The following DLGAP2 variants were observed in gnomAD, a reference collection of about 807,000 sequenced individuals.
DLGAP2 encodes DLG associated protein 2.
In DLGAP2, 26 loss-of-function variants were observed where a neutral mutation model predicts 100.3. The ratio of observed to expected loss-of-function variants is 0.26; its 90% CI spans 0.19 to 0.36. The LOEUF is 0.36. Ranked by LOEUF, DLGAP2 falls within the 10% of genes least tolerant of loss-of-function variation. The probability of loss-of-function intolerance (pLI) is 1.00; values close to 1 mark genes in which losing one functional copy is unlikely to be tolerated. For missense variants in DLGAP2, 1,858 were observed against 1,453.2 expected, an observed-to-expected ratio of 1.28 and a Z score of -4.53; for synonymous variants, 886 against 630.1, an observed-to-expected ratio of 1.41 and a Z score of -6.08.
intron 3 of DLGAP2, among the ~76,000 whole-genome samples, chr8:1,430,027 T>TATATATATATATATATATATATATACAC (rs1282725274): frequency 1.0e-4 from 8 of 76,896 alleles, no homozygotes; most frequent in Non-Finnish European, 1.2e-4. Flanking sequence ...TATATATATA[T>TATATATATATATATATATATATATACAC]ACACACACAC....
At chr8:1,174,248 A>T (rs1797200748) in intron 2 of DLGAP2, among the ~76,000 whole-genome samples, 1 of 152,004 alleles carries the variant, frequency 6.6e-6, no homozygotes, top group South Asian at 2.1e-4. Flanking sequence ...TGATAAGTCT[A>T]CCCACATACC....
chr8:1,333,533 G>C (rs993108726), intron 3 of DLGAP2, among the ~76,000 whole-genome samples: 7 of 152,140 alleles, frequency 4.6e-5, no homozygotes, highest in African/African-American at 1.4e-4. Context: ...CTCCTCCCGT[G>C]AGTCCTGTGT....
intron 1 of DLGAP2, among the ~76,000 whole-genome samples, chr8:764,984 C>T (rs1390262870): frequency 6.6e-6 from 1 of 152,178 alleles, no homozygotes; most frequent in African/African-American, 2.4e-5. Context: ...GTGGCTGTTA[C>T]TGATATAAAT....
At chr8:894,248 C>T (rs748029237) in intron 1 of DLGAP2, among the ~76,000 whole-genome samples, 51 of 152,302 alleles carry the variant, frequency 3.3e-4, no homozygotes, top group Non-Finnish European at 6.0e-4. Context: ...TTGTGGCTTC[C>T]AGCCCTTAGA....
chr8:837,474 A>G (rs1796900381), intron 1 of DLGAP2, among the ~76,000 whole-genome samples: 1 of 152,134 alleles, frequency 6.6e-6, no homozygotes, highest in Non-Finnish European at 1.5e-5. Flanking sequence ...ATTTCTCAGA[A>G]TCCTTCTTTT....
intron 2 of DLGAP2, 143 bp downstream of exon 2, chr8:908,109 T>C (rs781098361): frequency 4.3e-5 from 17 of 393,122 alleles, no homozygotes; most frequent in Non-Finnish European, 6.7e-5. Context: ...ATTAACTAAC[T>C]GTAAGACCTG....
intron 12 of DLGAP2, among the ~76,000 whole-genome samples, chr8:1,684,068 G>A (rs1799049443): frequency 6.8e-6 from 1 of 147,426 alleles, no homozygotes; most frequent in Non-Finnish European, 1.5e-5. Flanking sequence ...TGCAACCTCT[G>A]CCTCCCAAGT....
At chr8:1,513,049 T>A (rs922495922) in intron 4 of DLGAP2, among the ~76,000 whole-genome samples, 2 of 144,312 alleles carry the variant, frequency 1.4e-5, no homozygotes, top group East Asian at 2.1e-4. Flanking sequence ...ACAGGCCAGC[T>A]CCAGGGAGGC....
chr8:1,426,614 A>T (rs1318259849), intron 3 of DLGAP2, among the ~76,000 whole-genome samples: 1 of 152,218 alleles, frequency 6.6e-6, no homozygotes. Flanking sequence ...AGATGATGTG[A>T]AACTCAAGAC....
intron 2 of DLGAP2, among the ~76,000 whole-genome samples, chr8:1,164,203 CCCCAGGGCCCG>C (rs1796958649): frequency 7.5e-6 from 1 of 133,042 alleles, no homozygotes; most frequent in Non-Finnish European, 1.6e-5. Context: ...TTCTGTGAGC[CCCCAGGGCCCG>C]TCATTTTGGT....
chr8:1,051,259 G>A (rs934516593), intron 2 of DLGAP2, among the ~76,000 whole-genome samples: 2 of 152,098 alleles, frequency 1.3e-5, no homozygotes, highest in Non-Finnish European at 2.9e-5. Context: ...CTCATTGAAG[G>A]GAACCCAGGC....
chr8:1,357,794 C>G (rs1343369295), intron 3 of DLGAP2, among the ~76,000 whole-genome samples: 1 of 152,190 alleles, frequency 6.6e-6, no homozygotes, highest in East Asian at 1.9e-4. Context: ...CCATGCAGTG[C>G]TCTTCAGACA....
chr8:1,666,634 C>T (rs910289247), intron 8 of DLGAP2, among the ~76,000 whole-genome samples: 4 of 151,552 alleles, frequency 2.6e-5, no homozygotes, highest in Admixed American at 6.6e-5. Context: ...GAGCTCAGAT[C>T]GCCCCACTGC....
chr8:1,698,318 C>T (rs1016762024), intron 14 of DLGAP2, among the ~76,000 whole-genome samples: 3 of 151,832 alleles, frequency 2.0e-5, no homozygotes, highest in Non-Finnish European at 2.9e-5. Flanking sequence ...ATGTGTGGGA[C>T]AGGTCCATGT....
chr8:947,653 G>A (rs1289640177), intron 2 of DLGAP2, among the ~76,000 whole-genome samples: 2 of 152,284 alleles, frequency 1.3e-5, no homozygotes, highest in African/African-American at 4.8e-5. Flanking sequence ...GGCGCTGTCT[G>A]CTCTTGGCCG....
At chr8:1,385,218 A>C (rs56053091) in intron 3 of DLGAP2, among the ~76,000 whole-genome samples, 1 of 39,064 alleles carries the variant, frequency 2.6e-5, no homozygotes, top group Non-Finnish European at 5.7e-5. Flanking sequence ...ACCCCGGCCT[A>C]TGCCCGTCCC....
At chr8:1,449,177 C>G (rs1307668472) in intron 3 of DLGAP2, among the ~76,000 whole-genome samples, 1 of 152,226 alleles carries the variant, frequency 6.6e-6, no homozygotes, top group Non-Finnish European at 1.5e-5. Flanking sequence ...TATGATCACG[C>G]TGACCACACA....
chr8:1,637,790 C>T (rs1324345111), intron 8 of DLGAP2, among the ~76,000 whole-genome samples: 1 of 152,176 alleles, frequency 6.6e-6, no homozygotes, highest in Admixed American at 6.5e-5. Flanking sequence ...GAAACAGTTG[C>T]AGTTGAAGAG....
At chr8:1,125,430 T>C (rs572498655) in intron 2 of DLGAP2, among the ~76,000 whole-genome samples, 1 of 152,372 alleles carries the variant, frequency 6.6e-6, no homozygotes, top group Non-Finnish European at 1.5e-5. Flanking sequence ...AGCGTGATGC[T>C]TGTTTTTCAA....
Sources: gnomAD v4.1 joint callset for allele counts (sites outside exome capture counted in the v4.1 genomes callset) on GRCh38, gnomAD v4.1.1 for gene constraint, MANE v1.5 for transcripts, NCBI Gene and HGNC (gene_info 2026-07-23, HGNC 2026-07-21) for gene names.